The following DMD variants were observed in gnomAD, a reference collection of about 807,000 sequenced individuals.
The protein encoded by DMD is mutant dystrophin.
DMD carries 63 observed loss-of-function variants against 330.1 expected under a neutral mutation model. The ratio of observed to expected loss-of-function variants is 0.19; its 90% confidence interval spans 0.16 to 0.24. The LOEUF is 0.24. DMD is among the 10% of genes least tolerant of loss of function. The pLI, the probability that DMD is intolerant of heterozygous loss-of-function variation, is 1.00. For synonymous variants in DMD, 1,223 were observed against 959.8 expected, an observed-to-expected ratio of 1.27 and a Z score of -5.07; for missense variants, 3,344 against 2,684.1, an observed-to-expected ratio of 1.25 and a Z score of -5.43.
intron 50 of DMD, among the ~76,000 whole-genome samples, chrX:31,775,877 A>G (rs777070402): frequency 2.5e-4 from 28 of 111,690 alleles, no homozygotes; most frequent in African/African-American, 7.5e-4. Flanking sequence ...AATTTTGATC[A>G]ATGCAGACAG....
chrX:31,637,005 C>T (rs1433434816), intron 54 of DMD, among the ~76,000 whole-genome samples: 1 of 111,803 alleles, frequency 8.9e-6, no homozygotes, highest in Admixed American at 9.5e-5. Flanking sequence ...ATCTGAATGT[C>T]TATGTATTTT....
chrX:32,674,497 ACT>A (rs771701736), intron 9 of DMD, among the ~76,000 whole-genome samples: 23 of 111,121 alleles, frequency 2.1e-4, no homozygotes, highest in Non-Finnish European at 4.2e-4. Flanking sequence ...CCTTTCTTCT[ACT>A]CTCTGATGGC....
intron 60 of DMD, among the ~76,000 whole-genome samples, chrX:31,414,806 G>C (rs2061797323): frequency 9.0e-6 from 1 of 111,409 alleles, no homozygotes; most frequent in Non-Finnish European, 1.9e-5. Flanking sequence ...CAATAGATGT[G>C]TAAGCAGGCA....
At position 32,325,801 on chromosome X, in the gene DMD, ATTT is replaced by A. The variant is rs56390411; in HGVS notation, c.5923-15528_5923-15526del. On this transcript the variant is annotated intron_variant, in intron 41 of 78. Transcript: ENST00000357033. ...TATTTTAATTGATCTTAAGTACTCA[ATTT>A]TTTTTTTTTTTTTTTTTGAGACGGA... 1.7e-3 allele frequency among the ~76,000 whole-genome samples: 140 copies of A among 81,652 alleles called. 1 individual carries two copies. The highest frequency in any genetic ancestry group is 4.9e-3 in the East Asian group (13 of 2,628). 70.9% of individuals were successfully genotyped at this position (81,652 alleles called of 115,157 possible).
At chrX:31,674,105 C>T (rs778125136) in intron 53 of DMD, among the ~76,000 whole-genome samples, 2 of 111,692 alleles carry the variant, frequency 1.8e-5, no homozygotes, top group Non-Finnish European at 3.8e-5. Context: ...GGTCAATTTG[C>T]TGATTTAATT....
At chrX:31,772,548 T>C (rs1271723573) in intron 51 of DMD, among the ~76,000 whole-genome samples, 4 of 111,893 alleles carry the variant, frequency 3.6e-5, no homozygotes, top group African/African-American at 1.3e-4. Flanking sequence ...TACATCTACA[T>C]CTACATACAA....
At chrX:32,017,296 A>C (rs1489808868) in intron 44 of DMD, among the ~76,000 whole-genome samples, 1 of 112,184 alleles carries the variant, frequency 8.9e-6, no homozygotes, top group Non-Finnish European at 1.9e-5. Context: ...ATTGCCTTCA[A>C]AAAGGGGCCA....
At chrX:31,310,125 C>T (rs1004814000) in intron 62 of DMD, among the ~76,000 whole-genome samples, 1 of 109,234 alleles carries the variant, frequency 9.2e-6, no homozygotes, top group African/African-American at 3.3e-5. Context: ...GGGAATAAGT[C>T]ACAGACCTGC....
At position 32,642,251 on chromosome X, in the gene DMD, T is replaced by C. The variant is rs184698678; in HGVS notation, c.1331+1881A>G. Among the ~76,000 whole-genome samples, 187 of 112,298 alleles carry C rather than the reference T, an allele frequency of 1.7e-3. 1 individual carries two copies. The highest frequency in any genetic ancestry group is 5.7e-3 in the African/African-American group (177 of 31,050). On this transcript the variant is annotated intron_variant, in intron 11 of 78. Coordinates refer to ENST00000357033, the MANE Select transcript of DMD (RefSeq NM_004006.3). Reference sequence around the variant, plus strand: ...GCTTTGTATATTCATTTTTAAGGAATTTTCCAGAAAAGTCTATGTGATAGA... The same window carrying C: ...GCTTTGTATATTCATTTTTAAGGAACTTTCCAGAAAAGTCTATGTGATAGA...
At chrX:32,936,711 G>A (rs2090048070) in intron 2 of DMD, among the ~76,000 whole-genome samples, 1 of 111,699 alleles carries the variant, frequency 9.0e-6, no homozygotes, top group Admixed American at 9.5e-5. Context: ...GGAGTCTGGG[G>A]ATACTTCTAG....
At chrX:31,571,068 C>A (rs1195066100) in intron 55 of DMD, among the ~76,000 whole-genome samples, 4 of 111,363 alleles carry the variant, frequency 3.6e-5, no homozygotes, top group Non-Finnish European at 7.5e-5. Context: ...CAGACTCATG[C>A]CATTTGTATT....
chrX:32,682,746 G>A (rs2062527577), intron 9 of DMD, among the ~76,000 whole-genome samples: 1 of 111,933 alleles, frequency 8.9e-6, no homozygotes, highest in East Asian at 2.8e-4. Context: ...TTTGAGACAT[G>A]TAATACGAAT....
chrX:31,696,390 G>T (rs1188444054), intron 52 of DMD, among the ~76,000 whole-genome samples: 2 of 112,057 alleles, frequency 1.8e-5, no homozygotes, highest in African/African-American at 6.5e-5. Context: ...CAGACAAGTA[G>T]ATATGACTGT....
At chrX:31,453,065 T>A (rs181692879) in intron 59 of DMD, among the ~76,000 whole-genome samples, 194 of 112,060 alleles carry the variant, frequency 1.7e-3, no homozygotes, top group Non-Finnish European at 3.0e-3. Flanking sequence ...AAAGAAGATA[T>A]AGAAATGAGT....
At chrX:32,343,069 T>C in intron 40 of DMD, 65 bp downstream of exon 40, 5 of 1,057,850 alleles carry the variant, frequency 4.7e-6, no homozygotes, top group Non-Finnish European at 6.6e-6. Context: ...ATTTTAAATA[T>C]GATCTTCACA....
At chrX:32,049,645 T>C (rs1366163735) in intron 44 of DMD, among the ~76,000 whole-genome samples, 2 of 111,593 alleles carry the variant, frequency 1.8e-5, no homozygotes, top group Non-Finnish European at 1.9e-5. Flanking sequence ...GTAGAAGTGA[T>C]GGGTCAAAGT....
At chrX:31,468,612 TGTG>T (rs1478054321) in intron 59 of DMD, among the ~76,000 whole-genome samples, 5 of 111,785 alleles carry the variant, frequency 4.5e-5, no homozygotes, top group African/African-American at 1.6e-4. Context: ...ATAAGTGTGA[TGTG>T]GTGCTGAGAA....
At chrX:31,456,060 CCTCTCTCT>C in intron 59 of DMD, among the ~76,000 whole-genome samples, 1 of 102,721 alleles carries the variant, frequency 9.7e-6, no homozygotes, top group Non-Finnish European at 2.0e-5. Context: ...ACAGATGATC[CCTCTCTCT>C]CTCTCTCTCT....
intron 51 of DMD, among the ~76,000 whole-genome samples, chrX:31,735,796 A>G (rs1053242057): frequency 8.9e-6 from 1 of 111,997 alleles, no homozygotes; most frequent in African/African-American, 3.2e-5. Flanking sequence ...GGCAAAAGGA[A>G]CTTTGGGGCA....
Sources: allele counts gnomAD v4.1 joint callset (sites outside exome capture counted in the v4.1 genomes callset), GRCh38; gene constraint gnomAD v4.1.1; transcripts MANE v1.5; gene names NCBI Gene and HGNC (gene_info 2026-07-23, HGNC 2026-07-21).